Variants in METAP1 observed in about 807,000 individuals in gnomAD.
The protein encoded by METAP1 is methionyl aminopeptidase 1.
Under a neutral mutation model 53.8 loss-of-function variants are expected in METAP1, and 28 were observed. The ratio of observed to expected loss-of-function variants is 0.52; its 90% CI spans 0.39 to 0.71. The LOEUF (loss-of-function observed/expected upper bound fraction) is 0.71. Ranked by LOEUF, METAP1 falls within the 30% of genes least tolerant of loss-of-function variation. The probability of loss-of-function intolerance (pLI) is 0.00; values close to 1 mark genes in which losing one functional copy is unlikely to be tolerated. For synonymous variants in METAP1, 181 were observed against 165.7 expected (o/e 1.09, Z -0.71); for missense variants, 389 against 479.8 (o/e 0.81, Z 1.77).
At chr4:99,033,645 C>T (rs191414455) in intron 2 of METAP1, among the ~76,000 whole-genome samples, 65 of 152,290 alleles carry the variant, frequency 4.3e-4, no homozygotes, top group South Asian at 2.1e-4. Flanking sequence ...CTTTTTCCTG[C>T]CTCTTTCCTT....
At chr4:99,034,902 G>GTA (rs1164022260) in intron 3 of METAP1, among the ~76,000 whole-genome samples, 1 of 152,084 alleles carries the variant, frequency 6.6e-6, no homozygotes, top group Non-Finnish European at 1.5e-5. Flanking sequence ...GAGTCTTAAT[G>GTA]TAAGAATTCA....
rs1217718097 is a variant in METAP1, at chr4:99,062,637, C to G, written c.*1320C>G. On this transcript the variant is annotated 3_prime_UTR_variant, in exon 11 of 11. Coordinates refer to ENST00000296411, the MANE Select transcript of METAP1 (RefSeq NM_015143.3). ...TTGCTTTAAAATATAATAATGTTTTCATTACTTTTATTATTTGAATGATTT... is the reference window on the plus strand; with the variant it reads ...TTGCTTTAAAATATAATAATGTTTTGATTACTTTTATTATTTGAATGATTT... 1 of 152,548 alleles carries G rather than the reference C, an allele frequency of 6.6e-6. No homozygotes were observed. The allele number at this position is 152,548 out of a possible 1,614,324, so 9.4% of individuals were successfully genotyped here. A position where few individuals can be genotyped will look rare whatever the true frequency, so the allele number is the denominator to read the frequency against.
chr4:99,053,424 T>C (rs1560736703), intron 9 of METAP1, among the ~76,000 whole-genome samples: 1 of 152,164 alleles, frequency 6.6e-6, no homozygotes, highest in Non-Finnish European at 1.5e-5. Flanking sequence ...TATTTTTTTT[T>C]GTATTTTTAG....
chr4:99,056,121 G>A (rs578179076), intron 9 of METAP1, among the ~76,000 whole-genome samples: 55 of 152,150 alleles, frequency 3.6e-4, no homozygotes, highest in Admixed American at 1.2e-3. Context: ...AAAGAGGAGA[G>A]TTTAGTTGAG....
chr4:99,037,142 T>G (rs1394226608), intron 4 of METAP1, among the ~76,000 whole-genome samples: 1 of 151,780 alleles, frequency 6.6e-6, no homozygotes, highest in Non-Finnish European at 1.5e-5. Flanking sequence ...ATTCATATCC[T>G]TAGCCTTTTT....
chr4:99,039,623 T>C (rs1245891549), intron 5 of METAP1, among the ~76,000 whole-genome samples, 158 bp downstream of exon 5: 1 of 151,810 alleles, frequency 6.6e-6, no homozygotes. Context: ...AGACAGAGTT[T>C]CACTCTGTCG....
chr4:99,000,130 AC>A (rs377241275), intron 1 of METAP1, among the ~76,000 whole-genome samples: 25 of 152,328 alleles, frequency 1.6e-4, no homozygotes, highest in African/African-American at 5.5e-4. Flanking sequence ...TCCTTTGTAA[AC>A]ACTGAATAGT....
chr4:99,041,314 A>G (rs1725849295), intron 6 of METAP1, among the ~76,000 whole-genome samples, 188 bp downstream of exon 6: 1 of 152,188 alleles, frequency 6.6e-6, no homozygotes, highest in Non-Finnish European at 1.5e-5. Flanking sequence ...TTAAGAATCT[A>G]TAATATTAAG....
intron 4 of METAP1, 57 bp downstream of exon 4, chr4:99,035,517 C>T: frequency 1.6e-6 from 2 of 1,275,288 alleles, no homozygotes; most frequent in Non-Finnish European, 2.2e-6. Context: ...ATGACTACTG[C>T]AAAGGGAAGG....
chr4:99,023,554 AAGAG>A (rs542310034), intron 1 of METAP1: 1 of 985,388 alleles, frequency 1.0e-6, no homozygotes, highest in Non-Finnish European at 1.2e-6. Context: ...GATGGTGGAA[AAGAG>A]AGAGAGGTAA....
intron 1 of METAP1, 104 bp from the exon 2 acceptor site, chr4:99,028,763 T>C: frequency 1.3e-6 from 1 of 783,744 alleles, no homozygotes; most frequent in South Asian, 2.4e-5. Context: ...CAGGTCTTGG[T>C]TTTTGCAAAT....
intron 1 of METAP1, among the ~76,000 whole-genome samples, chr4:99,016,220 G>A (rs1295697862): frequency 3.9e-5 from 6 of 152,198 alleles, no homozygotes; most frequent in African/African-American, 1.4e-4. Context: ...GGTTTCAAAG[G>A]TAGGCACATC....
In METAP1 at chr4:98,998,164, A is replaced by G. The variant is rs75249118; in HGVS notation, c.114+2297A>G. On this transcript the variant is annotated intron_variant, in intron 1 of 10. Transcript: ENST00000296411. ...TTCTGAAATCACAGCTGTTCCCCCA[A>G]TCCCAGCTTGAGACCTTGATCAAGT... Among the ~76,000 whole-genome samples the G allele has an allele frequency of 3.3e-3, 504 of 152,166 alleles. 5 individuals carry two copies. Among genetic ancestry groups the G allele is most frequent in the African/African-American group, 0.011 (465 of 41,520 alleles).
chr4:99,059,059 T>G (rs773249550), intron 10 of METAP1, among the ~76,000 whole-genome samples: 3 of 152,248 alleles, frequency 2.0e-5, no homozygotes, highest in Non-Finnish European at 4.4e-5. Flanking sequence ...AAATTGTCAT[T>G]TTGGCTACGT....
rs1727256474 is a variant in METAP1 at position 99,057,751 on chromosome 4, A to G, written c.932-2A>G. The G allele has an allele frequency of 3.2e-6, 5 of 1,580,886 alleles. No homozygotes were observed. The highest frequency in any genetic ancestry group is 4.3e-6 in the Non-Finnish European group (5 of 1,162,642). On this transcript the variant is annotated splice_acceptor_variant, in intron 9 of 10. Transcript: ENST00000296411. LOFTEE classifies it high-confidence loss of function. The stretch of plus-strand genomic sequence containing the variant: ...TTTTGAGATTTTTTTCTTTGATTTC[A>G]GAAAATAAAGCAGTTGGAGTGATGA...
At chr4:99,012,890 G>A (rs1723557734) in intron 1 of METAP1, among the ~76,000 whole-genome samples, 1 of 152,074 alleles carries the variant, frequency 6.6e-6, no homozygotes, top group Non-Finnish European at 1.5e-5. Flanking sequence ...TTGAAGTGGG[G>A]TCTTCCAGGT....
At chr4:99,032,601 T>C (rs1295889957) in intron 2 of METAP1, among the ~76,000 whole-genome samples, 1 of 152,200 alleles carries the variant, frequency 6.6e-6, no homozygotes, top group Non-Finnish European at 1.5e-5. Context: ...AAAGGATTTT[T>C]ACACCCTCAC....
intron 8 of METAP1, among the ~76,000 whole-genome samples, chr4:99,046,936 C>CAAAAAAAAAA (rs56702946): frequency 4.9e-3 from 399 of 81,778 alleles, no homozygotes; most frequent in East Asian, 0.02. Flanking sequence ...ACTGAAGAAA[C>CAAAAAAAAAA]AAAAAAAAAA....
In METAP1 at chr4:99,041,023, T is replaced by G; in HGVS notation, c.433-20T>G. On this transcript the variant is annotated intron_variant, in intron 5 of 10. Transcript: ENST00000296411. ...TGTTTCTGTGTCTTTTTTAATGTAT[T>G]GAGTGTTCCTTTTTTACAGCTTGCT... The G allele has an allele frequency of 2.5e-6, 4 of 1,584,056 alleles. No homozygotes were observed. Among genetic ancestry groups the G allele is most frequent in the Non-Finnish European group, 3.5e-6 (4 of 1,157,316 alleles).
Sources: allele counts gnomAD v4.1 joint callset (sites outside exome capture counted in the v4.1 genomes callset), GRCh38; gene constraint gnomAD v4.1.1; transcripts MANE v1.5; gene names NCBI Gene and HGNC (gene_info 2026-07-23, HGNC 2026-07-21).